Variants in DNAH14 observed in about 807,000 individuals in gnomAD.
DNAH14 encodes axonemal beta dynein heavy chain 14.
DNAH14 carries 478 observed loss-of-function variants against 520.9 expected under a neutral mutation model. The ratio of observed to expected loss-of-function variants is 0.92; its 90% CI spans 0.85 to 0.99. The LOEUF (loss-of-function observed/expected upper bound fraction) is 0.99. Among genes scored for constraint, DNAH14 ranks in the 50% least tolerant of loss-of-function variants. DNAH14 has a pLI of 0.00. For missense variants in DNAH14, 4,831 were observed against 5,234.5 expected (o/e 0.92, Z 2.38); for synonymous variants, 1,581 against 1,757.2 (o/e 0.90, Z 2.51).
intron 27 of DNAH14, among the ~76,000 whole-genome samples, chr1:225,129,466 A>C (rs1165488427): frequency 6.6e-6 from 1 of 151,842 alleles, no homozygotes; most frequent in African/African-American, 2.4e-5. Flanking sequence ...GTACCAAAAC[A>C]GAGATATAGA....
At chr1:225,341,821 T>G (rs1268064166) in intron 69 of DNAH14, among the ~76,000 whole-genome samples, 2 of 152,242 alleles carry the variant, frequency 1.3e-5, no homozygotes, top group Non-Finnish European at 2.9e-5. Context: ...CTAAGTCAAC[T>G]GTGATAAAAT....
chr1:225,208,557 T>C (rs188177191), intron 41 of DNAH14, among the ~76,000 whole-genome samples: 2 of 152,214 alleles, frequency 1.3e-5, no homozygotes, highest in Admixed American at 1.3e-4. Context: ...AAGGTTAACA[T>C]TCATATAACA....
At position 225,271,981 on chromosome 1, in the gene DNAH14, T is replaced by C. The variant is rs1372000316; in HGVS notation, c.7747T>C (p.Cys2583Arg). 6.4e-7 allele frequency: 1 copy of C among 1,550,752 alleles called. No individual in the cohort carries two copies. Among genetic ancestry groups the C allele is most frequent in the Non-Finnish European group, 8.7e-7 (1 of 1,146,502 alleles). Reference protein sequence around the residue: ...VQKSKDQIISCSLAIYHQVRQ... With the variant: ...VQKSKDQIISRSLAIYHQVRQ... The stretch of plus-strand genomic sequence containing the variant: ...GAAAAGTAAGGATCAGATAATATCT[T>C]GTTCCCTAGCTATATACCATCAAGT... Residue 2583 changes from cysteine (C) to arginine (R), a missense_variant, in exon 51 of 86, where the codon TGT becomes CGT. Physicochemically the swap from Cys to Arg is radical, Grantham distance 180. Coordinates refer to ENST00000682510, the MANE Select transcript of DNAH14 (RefSeq NM_001367479.1).
At chr1:225,039,265 G>A in intron 12 of DNAH14, among the ~76,000 whole-genome samples, 1 of 152,130 alleles carries the variant, frequency 6.6e-6, no homozygotes, top group East Asian at 1.9e-4. Flanking sequence ...ATGTAAAGTA[G>A]CATCTACCCC....
At chr1:225,338,328 G>T (rs1238055007) in intron 68 of DNAH14, 146 bp downstream of exon 68, 1 of 1,044,202 alleles carries the variant, frequency 9.6e-7, no homozygotes, top group African/African-American at 1.6e-5. Context: ...TTTTGTGTTG[G>T]CAGTAGTATT....
At chr1:225,100,654 T>A in intron 22 of DNAH14, 59 bp from the exon 23 acceptor site, 2 of 1,310,238 alleles carry the variant, frequency 1.5e-6, no homozygotes, top group Non-Finnish European at 2.0e-6. Context: ...CATTACATTA[T>A]AGATTTTAAT....
intron 71 of DNAH14, among the ~76,000 whole-genome samples, chr1:225,350,514 T>C (rs1418805909): frequency 6.6e-6 from 1 of 151,756 alleles, no homozygotes; most frequent in Admixed American, 6.6e-5. Context: ...TGAGCTCAGT[T>C]AACTAAGAAA....
At chr1:225,287,053 A>G (rs1430442101) in intron 54 of DNAH14, among the ~76,000 whole-genome samples, 1 of 152,186 alleles carries the variant, frequency 6.6e-6, no homozygotes, top group Non-Finnish European at 1.5e-5. Flanking sequence ...TGGTAAAAAT[A>G]TTTGTTGTCT....
chr1:225,300,977 G>A lies in DNAH14; in HGVS notation c.8578G>A (p.Glu2860Lys), dbSNP rs2094128148. The stretch of plus-strand genomic sequence containing the variant: ...TGCAATGAAAATCAGATATCTTACT[G>A]AACAATCTGGTCATATGGATAATAG... ...SIAMKIRYLT[E>K]QSGHMDNRQS... is the part of the protein sequence containing the mutation. The change falls in exon 56 of 86, where the codon GAA (glutamate) becomes AAA (lysine). Residue 2860 changes from glutamate (E) to lysine (K), a missense_variant. Coordinates refer to ENST00000682510, the MANE Select transcript of DNAH14 (RefSeq NM_001367479.1). 1.3e-6 allele frequency: 2 copies of A among 1,551,094 alleles called. No individual in the cohort carries two copies. The highest frequency in any genetic ancestry group is 1.7e-6 in the Non-Finnish European group (2 of 1,146,816).
intron 43 of DNAH14, among the ~76,000 whole-genome samples, chr1:225,251,620 G>A (rs1352254964): frequency 6.6e-6 from 1 of 152,020 alleles, no homozygotes; most frequent in Non-Finnish European, 1.5e-5. Flanking sequence ...TTACCATTAA[G>A]AGAATAACAA....
At chr1:225,257,696 C>T (rs759014485) in intron 44 of DNAH14, among the ~76,000 whole-genome samples, 36 of 151,954 alleles carry the variant, frequency 2.4e-4, no homozygotes, top group African/African-American at 5.3e-4. Context: ...CCACCACACC[C>T]GGCTAATTTT....
At chr1:225,266,930 A>G (rs115973867) in intron 49 of DNAH14, among the ~76,000 whole-genome samples, 161 bp downstream of exon 49, 170 of 152,286 alleles carry the variant, frequency 1.1e-3, no homozygotes, top group African/African-American at 3.9e-3. Context: ...TATTAATCAT[A>G]TATTTGCAAT....
chr1:225,076,282 G>T (rs2072267223), intron 17 of DNAH14, among the ~76,000 whole-genome samples: 1 of 152,160 alleles, frequency 6.6e-6, no homozygotes, highest in South Asian at 2.1e-4. Flanking sequence ...GGGTCTGGAG[G>T]CTCAATCTGT....
chr1:225,263,755 C>G (rs1269558976), intron 46 of DNAH14, among the ~76,000 whole-genome samples: 1 of 152,012 alleles, frequency 6.6e-6, no homozygotes, highest in Non-Finnish European at 1.5e-5. Context: ...GTAAGTTTTA[C>G]TGTATACTCA....
intron 16 of DNAH14, among the ~76,000 whole-genome samples, chr1:225,050,968 C>A (rs759968755): frequency 6.6e-6 from 1 of 152,134 alleles, no homozygotes; most frequent in African/African-American, 2.4e-5. Context: ...AGGGTTCAAG[C>A]TCCTATGAGA....
intron 38 of DNAH14, among the ~76,000 whole-genome samples, chr1:225,195,244 A>G (rs2085973771): frequency 6.6e-6 from 1 of 152,190 alleles, no homozygotes; most frequent in African/African-American, 2.4e-5. Flanking sequence ...AATAGCAAAG[A>G]CATGGAATTA....
chr1:225,281,903 G>T (rs1329889221), intron 54 of DNAH14, among the ~76,000 whole-genome samples: 2 of 152,122 alleles, frequency 1.3e-5, no homozygotes, highest in Non-Finnish European at 2.9e-5. Flanking sequence ...GTATGATAAT[G>T]ATAGTTAACA....
intron 17 of DNAH14, among the ~76,000 whole-genome samples, chr1:225,072,275 T>G (rs1048318258): frequency 2.0e-5 from 3 of 152,222 alleles, no homozygotes; most frequent in African/African-American, 7.2e-5. Context: ...TTGTTTTATT[T>G]CCGAAAGGCA....
chr1:225,298,409 T>C (rs1196209847), intron 55 of DNAH14, among the ~76,000 whole-genome samples: 1 of 152,192 alleles, frequency 6.6e-6, no homozygotes, highest in Non-Finnish European at 1.5e-5. Context: ...CACAGCAGTT[T>C]GGCCAGCTCA....
Sources: allele counts gnomAD v4.1 joint callset (sites outside exome capture counted in the v4.1 genomes callset), GRCh38; gene constraint gnomAD v4.1.1; transcripts MANE v1.5; gene names NCBI Gene and HGNC (gene_info 2026-07-23, HGNC 2026-07-21).